DLG2: variants seen among roughly 807,000 people sequenced by gnomAD.
DLG2 encodes disks large homolog 2.
Under a neutral mutation model 132.5 loss-of-function variants are expected in DLG2, and 45 were observed. The ratio of observed to expected loss-of-function variants is 0.34; its 90% confidence interval spans 0.27 to 0.44. The LOEUF (loss-of-function observed/expected upper bound fraction) is 0.44, where lower values mean the gene tolerates loss of function less well. Ranked by LOEUF, DLG2 falls within the 20% of genes least tolerant of loss-of-function variation. The probability of loss-of-function intolerance (pLI) is 1.00; values close to 1 mark genes in which losing one functional copy is unlikely to be tolerated. For synonymous variants in DLG2, 424 were observed against 419.6 expected (o/e 1.01, Z -0.13); for missense variants, 1,045 against 1,196.9 (o/e 0.87, Z 1.87).
intron 6 of DLG2, among the ~76,000 whole-genome samples, chr11:84,659,939 TG>T (rs1397215594): frequency 6.6e-6 from 1 of 152,108 alleles, no homozygotes; most frequent in Non-Finnish European, 1.5e-5. Flanking sequence ...GTGCCAAACA[TG>T]GGGCTTCTGT....
In DLG2 at chr11:84,965,757, C is replaced by T. The variant is rs1030924615; in HGVS notation, c.357+145904G>A. Reference sequence around the variant, plus strand: ...AGCTACTAAAGGTAAGGAAAATATGCTAAGAATCTGAGATCTGCAGTCAAA... The same window carrying T: ...AGCTACTAAAGGTAAGGAAAATATGTTAAGAATCTGAGATCTGCAGTCAAA... On this transcript the variant is annotated intron_variant, in intron 6 of 27. Transcript: ENST00000376104. 8.6e-5 allele frequency among the ~76,000 whole-genome samples: 13 copies of T among 151,996 alleles called. No homozygotes were observed. In the East Asian group the frequency reaches 1.4e-3, roughly 16 times the overall value.
intron 8 of DLG2, among the ~76,000 whole-genome samples, chr11:84,183,235 T>C (rs2096189572): frequency 6.6e-6 from 1 of 152,172 alleles, no homozygotes; most frequent in Admixed American, 6.5e-5. Context: ...TTCTAACTCA[T>C]AAATACTTTC....
intron 6 of DLG2, among the ~76,000 whole-genome samples, chr11:84,668,927 C>G (rs56759529): frequency 0.076 from 11,618 of 152,128 alleles, 697 homozygotes; most frequent in East Asian, 0.33. Context: ...AGGCACTGTT[C>G]TAGGTACCAG....
intron 9 of DLG2, among the ~76,000 whole-genome samples, chr11:84,162,436 A>G (rs933729592): frequency 3.3e-5 from 5 of 151,890 alleles, no homozygotes; most frequent in Non-Finnish European, 5.9e-5. Flanking sequence ...GCAATTACAT[A>G]TTTTTCTAAA....
At chr11:84,524,577 T>A (rs954909091) in intron 7 of DLG2, among the ~76,000 whole-genome samples, 4 of 152,234 alleles carry the variant, frequency 2.6e-5, no homozygotes, top group African/African-American at 9.6e-5. Context: ...TAAGAGCTTC[T>A]AATTTAGCTT....
chr11:84,527,893 TTCTCTCTCTC>T (rs60170305), intron 7 of DLG2, among the ~76,000 whole-genome samples: 239 of 125,666 alleles, frequency 1.9e-3, no homozygotes, highest in African/African-American at 4.4e-3. Flanking sequence ...CTCCCTCCCT[TTCTCTCTCTC>T]TCTCTCTCTC....
At chr11:84,802,155 T>G (rs576364690) in intron 6 of DLG2, among the ~76,000 whole-genome samples, 2 of 150,650 alleles carry the variant, frequency 1.3e-5, no homozygotes, top group South Asian at 4.2e-4. Flanking sequence ...AGCCTGGGGA[T>G]TCTAGGCTAG....
At chr11:85,066,768 A>G (rs1301600917) in intron 6 of DLG2, among the ~76,000 whole-genome samples, 1 of 151,692 alleles carries the variant, frequency 6.6e-6, no homozygotes, top group Non-Finnish European at 1.5e-5. Flanking sequence ...TCATCAACAA[A>G]CTTAGCATCA....
intron 3 of DLG2, among the ~76,000 whole-genome samples, chr11:85,487,484 A>G (rs992056488): frequency 6.6e-6 from 1 of 151,788 alleles, no homozygotes; most frequent in Non-Finnish European, 1.5e-5. Context: ...ATTTCTAAAA[A>G]GAACCAAATA....
intron 7 of DLG2, among the ~76,000 whole-genome samples, chr11:84,315,817 T>C (rs937001090): frequency 2.5e-4 from 38 of 152,142 alleles, no homozygotes; most frequent in Admixed American, 4.6e-4. Flanking sequence ...AAGTACTTTT[T>C]AAAAACTATT....
chr11:83,726,421 A>G (rs899005451), intron 18 of DLG2, among the ~76,000 whole-genome samples: 2 of 152,132 alleles, frequency 1.3e-5, no homozygotes, highest in African/African-American at 4.8e-5. Flanking sequence ...CCCACACAAA[A>G]ATATTAGGAG....
At position 84,697,349 on chromosome 11, in the gene DLG2, T is replaced by A. The variant is rs77861014; in HGVS notation, c.358-162618A>T. 2.3e-3 allele frequency among the ~76,000 whole-genome samples: 353 copies of A among 151,560 alleles called. 3 individuals are homozygous for A. The highest frequency in any genetic ancestry group is 8.3e-3 in the African/African-American group (344 of 41,452). On this transcript the variant is annotated intron_variant, in intron 6 of 27. Transcript: ENST00000376104. ...CATCCTAGCCGAATTAGTATCCCAATCTCTTCCTAAGAATACACACATTTT... is the reference window on the plus strand; with the variant it reads ...CATCCTAGCCGAATTAGTATCCCAAACTCTTCCTAAGAATACACACATTTT...
intron 6 of DLG2, among the ~76,000 whole-genome samples, chr11:84,894,842 A>C (rs957206477): frequency 6.6e-6 from 1 of 152,154 alleles, no homozygotes; most frequent in African/African-American, 2.4e-5. Flanking sequence ...TAGGATGTCT[A>C]CAATTTATGT....
chr11:84,623,941 G>C (rs749705399), intron 6 of DLG2, among the ~76,000 whole-genome samples: 3 of 152,152 alleles, frequency 2.0e-5, no homozygotes, highest in Non-Finnish European at 2.9e-5. Context: ...AAGTAGTCCA[G>C]TGATTGCAGT....
chr11:83,775,893 C>T (rs988541369), intron 18 of DLG2, among the ~76,000 whole-genome samples: 9 of 151,996 alleles, frequency 5.9e-5, no homozygotes, highest in Non-Finnish European at 1.3e-4. Flanking sequence ...GAGATCGAGA[C>T]CATCCTGGCT....
At chr11:84,943,745 G>A (rs2049805081) in intron 6 of DLG2, among the ~76,000 whole-genome samples, 1 of 151,930 alleles carries the variant, frequency 6.6e-6, no homozygotes, top group African/African-American at 2.4e-5. Context: ...TTGTCTTTTA[G>A]TATTTCTACT....
chr11:85,362,518 G>A (rs763166121), intron 3 of DLG2, among the ~76,000 whole-genome samples: 1 of 151,840 alleles, frequency 6.6e-6, no homozygotes, highest in African/African-American at 2.4e-5. Context: ...TTTTGGTGGA[G>A]TCTTTAGAGT....
intron 19 of DLG2, among the ~76,000 whole-genome samples, chr11:83,626,815 T>A (rs908068801): frequency 6.6e-6 from 1 of 152,194 alleles, no homozygotes; most frequent in Non-Finnish European, 1.5e-5. Flanking sequence ...TTTCAGGTTC[T>A]GCCTCTGGGT....
intron 3 of DLG2, among the ~76,000 whole-genome samples, chr11:85,371,542 C>T (rs184273049): frequency 3.9e-5 from 6 of 152,286 alleles, no homozygotes; most frequent in Admixed American, 3.9e-4. Context: ...AGTTATTTTA[C>T]CAAGGCTTTG....
Sources: allele counts gnomAD v4.1 joint callset (sites outside exome capture counted in the v4.1 genomes callset), GRCh38; gene constraint gnomAD v4.1.1; transcripts MANE v1.5; gene names NCBI Gene and HGNC (gene_info 2026-07-23, HGNC 2026-07-21).